Variants in WDR4 observed in about 807,000 individuals in gnomAD.
WDR4 encodes the protein tRNA (guanine-N(7)-)-methyltransferase non-catalytic subunit WDR4.
Under a neutral mutation model 48.6 loss-of-function variants are expected in WDR4, and 47 were observed. That is an observed-to-expected ratio of 0.97 (90% confidence interval 0.77 to 1.23). The LOEUF is 1.23. Among genes scored for constraint, WDR4 ranks in the 50% most tolerant of loss-of-function variants. The pLI, the probability that WDR4 is intolerant of heterozygous loss-of-function variation, is 0.00. For synonymous variants in WDR4, 268 were observed against 230.0 expected (o/e 1.17, Z -1.49); for missense variants, 606 against 551.6 (o/e 1.10, Z -0.99).
At chr21:42,850,369 G>A (rs2057793548) in intron 10 of WDR4, 127 bp from the exon 11 acceptor site, 12 of 853,466 alleles carry the variant, frequency 1.4e-5, no homozygotes, top group Admixed American at 3.3e-5. Flanking sequence ...CGTGGGGGGC[G>A]CCTTCTGGGA....
rs1569324022 is a variant in WDR4 at position 42,862,350 on chromosome 21, GTC to G, written c.496_497del (p.Asp166ArgfsTer13). On this transcript the variant is annotated frameshift_variant, in exon 5 of 11. Coordinates refer to ENST00000398208, the MANE Select transcript of WDR4 (RefSeq NM_018669.6). LOFTEE classifies it high-confidence loss of function. This position sits in a 1 kb window ranked among gnomAD's most constrained non-coding sequence, Gnocchi z 4.3. ...CGGCCCAGCTGACTCGGATCTTCTC[GTC>G]CCGGTCGGCAGTGAGGATGAAGCGG... Reference protein sequence around the residue: ...DDRFILTADRDEKIRVSWAAA... With the variant: ...DDRFILTADRXEKIRVSWAAA... The G allele has an allele frequency of 5.0e-6, 8 of 1,611,550 alleles. No individual in the cohort carries two copies. The highest frequency in any genetic ancestry group is 6.8e-6 in the Non-Finnish European group (8 of 1,179,044).
chr21:42,852,205 GGACCGCGCTGGGTGT>G, intron 10 of WDR4, 35 bp downstream of exon 10: 1 of 1,600,442 alleles, frequency 6.2e-7, no homozygotes, highest in Non-Finnish European at 8.5e-7. Context: ...CTTTCTCTGG[GGACCGCGCTGGGTGT>G]GACCCCCAAG....
the WDR4 span, among the ~76,000 whole-genome samples, chr21:42,890,028 GCTATAACC>G: frequency 6.6e-6 from 1 of 151,488 alleles, no homozygotes; most frequent in Non-Finnish European, 1.5e-5. Context: ...ACTGTAGTGA[GCTATAACC>G]AAGCCACTGC....
chr21:42,879,088 CG>C, intron 1 of WDR4: 1 of 1,168,308 alleles, frequency 8.6e-7, no homozygotes. Context: ...TCTACCTACC[CG>C]GTCCCCGCCG....
In WDR4 at chr21:42,862,484, C is replaced by A. The variant is rs2058141909; in HGVS notation, c.454-90G>T. 2 of 1,254,518 alleles carry A rather than the reference C, an allele frequency of 1.6e-6. No homozygotes were observed. Among genetic ancestry groups the A allele is most frequent in the Non-Finnish European group, 2.2e-6 (2 of 895,574 alleles). 77.7% of individuals were successfully genotyped at this position (1,254,518 alleles called of 1,614,324 possible). On this transcript the variant is annotated intron_variant, in intron 4 of 10. Coordinates refer to ENST00000398208, the MANE Select transcript of WDR4 (RefSeq NM_018669.6). The surrounding 1 kb of genome is among the most constrained non-coding windows in gnomAD (Gnocchi z 4.3). ...ATGGAAGAAGGCAGGGAAGCTGCAG[C>A]CTGGCCGCCAAGAGGATGAGGCCTT...
chr21:42,866,901 G>A (rs1031220970), intron 3 of WDR4, among the ~76,000 whole-genome samples: 4 of 152,182 alleles, frequency 2.6e-5, no homozygotes, highest in African/African-American at 4.8e-5. Flanking sequence ...TGTACCCACT[G>A]TCCTGCAGTT....
chr21:42,856,796 C>T (rs528465642), intron 6 of WDR4, among the ~76,000 whole-genome samples: 3 of 152,180 alleles, frequency 2.0e-5, no homozygotes, highest in African/African-American at 7.2e-5. Context: ...TACACACGCA[C>T]ACACACACAC....
chr21:42,863,641 C>T (rs971184128), intron 3 of WDR4, 45 bp from the exon 4 acceptor site: 9 of 1,590,528 alleles, frequency 5.7e-6, no homozygotes, highest in Non-Finnish European at 7.7e-6. Context: ...AGGAGCAGCG[C>T]AGGGTCCTCG....
chr21:42,885,894 G>A, the WDR4 span, among the ~76,000 whole-genome samples: 1 of 149,872 alleles, frequency 6.7e-6, no homozygotes, highest in African/African-American at 2.5e-5. Context: ...CGGGGGTCTT[G>A]TTCTGTTGCC....
At chr21:42,863,897 G>A (rs7279904) in intron 3 of WDR4, among the ~76,000 whole-genome samples, 53,410 of 124,142 alleles carry the variant, frequency 0.43, 14,072 homozygotes, top group African/African-American at 0.75. Flanking sequence ...ACAAGGTCAG[G>A]AGATTGAGAC....
At chr21:42,889,280 G>T in the WDR4 span, among the ~76,000 whole-genome samples, 1 of 152,082 alleles carries the variant, frequency 6.6e-6, no homozygotes, top group Non-Finnish European at 1.5e-5. Flanking sequence ...ACTGCGCCTG[G>T]CCAATTTTTG....
chr21:42,846,069 G>A (rs190549270), downstream of WDR4, among the ~76,000 whole-genome samples: 1 of 152,050 alleles, frequency 6.6e-6, no homozygotes, highest in Non-Finnish European at 1.5e-5. Flanking sequence ...GAGGCCCAGC[G>A]AGCCAAGGTC....
At chr21:42,859,615 G>A (rs760091932) in intron 6 of WDR4, 47 bp downstream of exon 6, 1 of 376,378 alleles carries the variant, frequency 2.7e-6, no homozygotes, top group Non-Finnish European at 5.3e-6. Flanking sequence ...CACCCTCCCT[G>A]CAGGCTCAAG....
intron 2 of WDR4, among the ~76,000 whole-genome samples, chr21:42,875,967 G>C (rs1049027899): frequency 2.3e-4 from 33 of 141,794 alleles, no homozygotes; most frequent in Non-Finnish European, 3.6e-4. Flanking sequence ...ACCCAGGTTG[G>C]AGAGTGCGGT....
chr21:42,850,103 CCCAGGCGGGG>C lies in WDR4; in HGVS notation c.1175_1184del (p.Pro392ArgfsTer9). ...TCATCTTCTTGGCATGCCCGTCGGG[CCCAGGCGGGG>C]GACTCCGGCGCCGCTGCTTCTTCTC... On this transcript the variant is annotated frameshift_variant, in exon 11 of 11. Transcript: ENST00000398208. LOFTEE classifies it low-confidence loss of function (END_TRUNC). The C allele has an allele frequency of 6.2e-7, 1 of 1,614,124 alleles. No homozygotes were observed. Among genetic ancestry groups the C allele is most frequent in the South Asian group, 1.1e-5 (1 of 91,076 alleles).
intron 3 of WDR4, among the ~76,000 whole-genome samples, chr21:42,864,501 A>AGCTACT (rs957576960): frequency 1.3e-5 from 2 of 152,172 alleles, no homozygotes; most frequent in Admixed American, 1.3e-4. Context: ...GGCAGGACCC[A>AGCTACT]GCCCAGGGCA....
chr21:42,873,881 C>G (rs542864508), intron 2 of WDR4, among the ~76,000 whole-genome samples, 190 bp from the exon 3 acceptor site: 12 of 152,214 alleles, frequency 7.9e-5, no homozygotes, highest in African/African-American at 2.6e-4. Context: ...CAGCATGAAG[C>G]CTAACTAAAC....
chr21:42,853,628 G>C lies in WDR4; in HGVS notation c.916C>G (p.Leu306Val), dbSNP rs1329429059. The change falls in exon 9 of 11, where the codon CTC (leucine) becomes GTC (valine). Residue 306 changes from leucine to valine, a missense_variant. Coordinates refer to ENST00000398208, the MANE Select transcript of WDR4 (RefSeq NM_018669.6). Reference sequence around the variant, plus strand: ...AGGGGGGCTTCCTGGCAGTCCTGGAGCACCCACAGCCCCTGGGTCTCCTCG... The same window carrying C: ...AGGGGGGCTTCCTGGCAGTCCTGGACCACCCACAGCCCCTGGGTCTCCTCG... ...AFEETQGLWVLQDCQEAPLVL... is the reference protein window; with the variant it reads ...AFEETQGLWVVQDCQEAPLVL... The C allele has an allele frequency of 1.2e-6, 2 of 1,607,876 alleles. No individual in the cohort carries two copies. The highest frequency in any genetic ancestry group is 1.7e-6 in the Non-Finnish European group (2 of 1,178,114).
upstream of WDR4, among the ~76,000 whole-genome samples, chr21:42,880,031 G>A (rs3746942): frequency 0.011 from 1,697 of 152,004 alleles, 73 homozygotes; most frequent in East Asian, 0.15. Context: ...TTGGGAGGCT[G>A]AGACAGAAGA....
Sources: allele counts gnomAD v4.1 joint callset (sites outside exome capture counted in the v4.1 genomes callset), GRCh38; gene constraint gnomAD v4.1.1; non-coding constraint Gnocchi (gnomAD v3.1); transcripts MANE v1.5; gene names NCBI Gene and HGNC (gene_info 2026-07-23, HGNC 2026-07-21).